Variants in ATXN7L2 observed in about 807,000 individuals in gnomAD.
The protein encoded by ATXN7L2 is ataxin-7-like protein 2.
A neutral mutation model predicts 59.6 loss-of-function variants in ATXN7L2; 17 were observed. The observed-to-expected ratio is 0.29, with a 90% confidence interval of 0.20 to 0.43. The LOEUF (loss-of-function observed/expected upper bound fraction) is 0.43, where lower values mean the gene tolerates loss of function less well. Among genes scored for constraint, ATXN7L2 ranks in the 20% least tolerant of loss-of-function variants. The pLI, the probability that ATXN7L2 is intolerant of heterozygous loss-of-function variation, is 1.00. For missense variants in ATXN7L2, 858 were observed against 1,008.9 expected, an observed-to-expected ratio of 0.85 and a Z score of 2.03; for synonymous variants, 378 against 392.5, an observed-to-expected ratio of 0.96 and a Z score of 0.44.
intron 1 of ATXN7L2, chr1:109,485,704 C>T: frequency 9.9e-7 from 1 of 1,013,164 alleles, no homozygotes; most frequent in South Asian, 4.6e-5. Context: ...GATACTTACC[C>T]ACAATCACCC....
At chr1:109,492,210 CAGGTG>C in intron 10 of ATXN7L2, 2 of 746,368 alleles carry the variant, frequency 2.7e-6, no homozygotes, top group Non-Finnish European at 3.4e-6. Context: ...TCCAGGTGTG[CAGGTG>C]ACAGGCAAGT....
chr1:109,490,184 A>T (rs961362809), intron 8 of ATXN7L2, 56 bp downstream of exon 8: 1 of 1,576,110 alleles, frequency 6.3e-7, no homozygotes, highest in Non-Finnish European at 8.6e-7. Flanking sequence ...CCTGGCCAAC[A>T]ACATGGGGAG....
In ATXN7L2 at chr1:109,487,601, C is replaced by G. The variant is rs1305390986; in HGVS notation, c.593C>G (p.Ser198Cys). ...CATGGAATCAGGGTGGCCCCACCCT[C>G]TGCTTTTCTCAGCCAGCCAGGGGGC... ...DGHGIRVAPPSAFLSQPGGLT... is the reference protein window; with the variant it reads ...DGHGIRVAPPCAFLSQPGGLT... The change falls in exon 5 of 11, where the codon TCT becomes TGT. Residue 198 changes from serine to cysteine, a missense_variant. By Grantham distance (112) the Ser-to-Cys change is moderately radical. Transcript: ENST00000683729. 6.3e-7 allele frequency: 1 copy of G among 1,580,020 alleles called. No individual in the cohort carries two copies. Among genetic ancestry groups the G allele is most frequent in the South Asian group, 1.2e-5 (1 of 86,090 alleles).
rs1164803898 is a variant in ATXN7L2 at position 109,486,188 on chromosome 1, A to G, written c.193+66A>G. On this transcript the variant is annotated intron_variant, in intron 2 of 10. Coordinates refer to ENST00000683729, the MANE Select transcript of ATXN7L2 (RefSeq NM_001350175.2). The surrounding 1 kb of genome is among the most constrained non-coding windows in gnomAD (Gnocchi z 4.3). ...CAGGACCACGCTCCACTTTTCCACCACACTACAGAAGGAGGTGGCTGCTTG... is the reference window on the plus strand; with the variant it reads ...CAGGACCACGCTCCACTTTTCCACCGCACTACAGAAGGAGGTGGCTGCTTG... The G allele has an allele frequency of 2.7e-6, 4 of 1,502,244 alleles. No individual in the cohort carries two copies. The highest frequency in any genetic ancestry group is 3.6e-6 in the Non-Finnish European group (4 of 1,126,710). 93.1% of individuals were successfully genotyped at this position (1,502,244 alleles called of 1,614,324 possible).
At chr1:109,485,853 C>G in intron 1 of ATXN7L2, 3 of 1,225,670 alleles carry the variant, frequency 2.4e-6, no homozygotes, top group Non-Finnish European at 3.1e-6. Context: ...AATGGACCCA[C>G]TGAAAGGTTC....
rs1657105110 is a variant in ATXN7L2 at position 109,491,827 on chromosome 1, T to A, written c.2250+110T>A. 1.5e-6 allele frequency: 2 copies of A among 1,333,814 alleles called. No individual in the cohort carries two copies. Among genetic ancestry groups the A allele is most frequent in the African/African-American group, 3.0e-5 (2 of 67,514 alleles). The allele number at this position is 1,333,814 out of a possible 1,614,324, so 82.6% of individuals were successfully genotyped here. Reference sequence around the variant, plus strand: ...TGCAGGGAAAGGGAGGAAGGGGAAGTTGAGAGAGTTCCTGGACTGTTTTCT... The same window carrying A: ...TGCAGGGAAAGGGAGGAAGGGGAAGATGAGAGAGTTCCTGGACTGTTTTCT... On this transcript the variant is annotated intron_variant, in intron 10 of 10. Transcript: ENST00000683729. This position sits in a 1 kb window ranked among gnomAD's most constrained non-coding sequence, Gnocchi z 4.1.
chr1:109,488,957 G>A lies in ATXN7L2; in HGVS notation c.990G>A (p.Lys330=). 1.9e-6 allele frequency: 3 copies of A among 1,614,176 alleles called. No individual in the cohort carries two copies. Among genetic ancestry groups the A allele is most frequent in the Non-Finnish European group, 1.7e-6 (2 of 1,180,018 alleles). ...NSRKGESPKE[K]SPGRKEQVLE... ...GCAAAGGGGAGTCTCCCAAGGAGAAGAGCCCAGGGCGCAAGGAGCAAGTTC... is the reference window on the plus strand; with the variant it reads ...GCAAAGGGGAGTCTCCCAAGGAGAAAAGCCCAGGGCGCAAGGAGCAAGTTC... The change falls in exon 7 of 11, where the codon AAG becomes AAA. Residue 330 remains lysine (K), a synonymous_variant. Transcript: ENST00000683729. The surrounding 1 kb of genome is among the most constrained non-coding windows in gnomAD (Gnocchi z 5.0).
intron 7 of ATXN7L2, 183 bp from the exon 8 acceptor site, chr1:109,489,747 C>A: frequency 1.5e-6 from 1 of 656,454 alleles, no homozygotes. Flanking sequence ...AGCAGTCTCT[C>A]TGTCTCTTAC....
rs536643831 is a variant in ATXN7L2, at chr1:109,487,569, T to C, written c.561T>C (p.Pro187=). The stretch of plus-strand genomic sequence containing the variant: ...AGAAGATGTCCAGTCTCCCGAAGCC[T>C]GATGGACATGGAATCAGGGTGGCCC... The part of the protein sequence containing the change: ...NLEKMSSLPK[P]DGHGIRVAPP... The change falls in exon 5 of 11, where the codon CCT becomes CCC. Residue 187 remains proline (P), a synonymous_variant. Coordinates refer to ENST00000683729, the MANE Select transcript of ATXN7L2 (RefSeq NM_001350175.2). The C allele has an allele frequency of 6.5e-7, 1 of 1,530,372 alleles. No individual in the cohort carries two copies. The highest frequency in any genetic ancestry group is 8.8e-7 in the Non-Finnish European group (1 of 1,140,328). The allele number at this position is 1,530,372 out of a possible 1,614,324, so 94.8% of individuals were successfully genotyped here.
rs547436670 is a variant in ATXN7L2, at chr1:109,490,289, C to A, written c.1351C>A (p.Arg451=). The A allele has an allele frequency of 6.2e-7, 1 of 1,613,860 alleles. No individual in the cohort carries two copies. Among genetic ancestry groups the A allele is most frequent in the South Asian group, 1.1e-5 (1 of 91,088 alleles). Residue 451 remains arginine, a synonymous_variant, in exon 9 of 11, where the codon CGG becomes AGG. Coordinates refer to ENST00000683729, the MANE Select transcript of ATXN7L2 (RefSeq NM_001350175.2). Reference sequence around the variant, plus strand: ...CCTTTAGTTCTGCACCTTTGGGAGCCGGCTGGTGAGCCCAGGATGCTATGT... The same window carrying A: ...CCTTTAGTTCTGCACCTTTGGGAGCAGGCTGGTGAGCCCAGGATGCTATGT... ...RPQAFCTFGS[R]LVSPGCYVFS...
chr1:109,488,745 C>G lies in ATXN7L2; in HGVS notation c.880-102C>G. ...AACACAGCTGCAAATATGCCCACCT[C>G]TCTCCCTGCCCCCCAACTTGCCCGG... is the stretch of plus-strand genomic sequence containing the variant. On this transcript the variant is annotated intron_variant, in intron 6 of 10. Coordinates refer to ENST00000683729, the MANE Select transcript of ATXN7L2 (RefSeq NM_001350175.2). The surrounding 1 kb of genome is among the most constrained non-coding windows in gnomAD (Gnocchi z 5.0). The G allele has an allele frequency of 7.1e-7, 1 of 1,406,814 alleles. No homozygotes were observed. The highest frequency in any genetic ancestry group is 2.3e-5 in the East Asian group (1 of 43,492). The allele number at this position is 1,406,814 out of a possible 1,614,324, so 87.1% of individuals were successfully genotyped here. A position where few individuals can be genotyped will look rare whatever the true frequency, so the allele number is the denominator to read the frequency against.
Position 109,487,096 on chromosome 1 carries a change from A to C in ATXN7L2, c.388A>C (p.Asn130His), listed in dbSNP as rs925903750. The change falls in exon 4 of 11, where the codon AAT becomes CAT. Residue 130 changes from asparagine (N) to histidine (H), a missense_variant. Coordinates refer to ENST00000683729, the MANE Select transcript of ATXN7L2 (RefSeq NM_001350175.2). The stretch of plus-strand genomic sequence containing the variant: ...CAGCTCTCAGAAATGCCATGTAGTG[A>C]ATGGGCAGGGCCCAGCTTGTAGGGC... Reference protein sequence around the residue: ...PASSQKCHVVNGQGPACRAPG... With the variant: ...PASSQKCHVVHGQGPACRAPG... 1 of 1,612,852 alleles carries C rather than the reference A, an allele frequency of 6.2e-7. No homozygotes were observed. Among genetic ancestry groups the C allele is most frequent in the African/African-American group, 1.3e-5 (1 of 74,936 alleles).
In ATXN7L2 at chr1:109,492,696, A is replaced by T. The variant is rs200434861; in HGVS notation, c.*96A>T. ...CTGCCGCTTTTTATAACTTTATATT[A>T]TTTTTTTTTAAGAAAAAAAGCTCTT... On this transcript the variant is annotated 3_prime_UTR_variant, in exon 11 of 11. Transcript: ENST00000683729. 84 of 1,382,316 alleles carry T rather than the reference A, an allele frequency of 6.1e-5. No individual in the cohort carries two copies. Among genetic ancestry groups the T allele is most frequent in the South Asian group, 7.9e-5 (6 of 75,700 alleles). The allele number at this position is 1,382,316 out of a possible 1,614,324, so 85.6% of individuals were successfully genotyped here.
rs1656841666 is a variant in ATXN7L2 at position 109,489,313 on chromosome 1, T to C, written c.1133+213T>C. On this transcript the variant is annotated intron_variant, in intron 7 of 10. Transcript: ENST00000683729. The stretch of plus-strand genomic sequence containing the variant: ...CCACAGCACCCCAGCCTCTCGGCAG[T>C]GTGCCAGATCCAACACTCAGGATAT... 4.8e-6 allele frequency: 3 copies of C among 622,222 alleles called. No homozygotes were observed. In the South Asian group the frequency reaches 6.8e-5, roughly 14 times the overall value. The allele number at this position is 622,222 out of a possible 1,614,324, so 38.5% of individuals were successfully genotyped here.
chr1:109,483,950 G>C lies in ATXN7L2; in HGVS notation c.-4G>C. 2.4e-6 allele frequency: 3 copies of C among 1,252,030 alleles called. No individual in the cohort carries two copies. Among genetic ancestry groups the C allele is most frequent in the Non-Finnish European group, 3.0e-6 (3 of 992,980 alleles). 77.6% of individuals were successfully genotyped at this position (1,252,030 alleles called of 1,614,324 possible). A position where few individuals can be genotyped will look rare whatever the true frequency, so the allele number is the denominator to read the frequency against. ...GCCAGGGCGGGCGCGCGTCCGCGGC[G>C]GTGATGGCGGTGCGTGAACGCGCGG... On this transcript the variant is annotated 5_prime_UTR_variant, in exon 1 of 11. Coordinates refer to ENST00000683729, the MANE Select transcript of ATXN7L2 (RefSeq NM_001350175.2).
In ATXN7L2 at chr1:109,486,924, G is replaced by A. The variant is rs1417698612; in HGVS notation, c.299-83G>A. 8.2e-7 allele frequency: 1 copy of A among 1,226,228 alleles called. No individual in the cohort carries two copies. The highest frequency in any genetic ancestry group is 1.5e-5 in the African/African-American group (1 of 65,396). 76.0% of individuals were successfully genotyped at this position (1,226,228 alleles called of 1,614,324 possible). On this transcript the variant is annotated intron_variant, in intron 3 of 10. Transcript: ENST00000683729. This position sits in a 1 kb window ranked among gnomAD's most constrained non-coding sequence, Gnocchi z 4.3. ...TTTATGGAAACTCAGATTCTCTCAT[G>A]TGAGTCTATGGACATGGTTAGGTTG...
Position 109,483,990 on chromosome 1 carries a change from G to C in ATXN7L2, c.37G>C (p.Ala13Pro). 7.1e-7 allele frequency: 1 copy of C among 1,415,736 alleles called. No individual in the cohort carries two copies. The allele number at this position is 1,415,736 out of a possible 1,614,324, so 87.7% of individuals were successfully genotyped here. A position where few individuals can be genotyped will look rare whatever the true frequency, so the allele number is the denominator to read the frequency against. The change falls in exon 1 of 11, where the codon GCT (alanine) becomes CCT (proline). Residue 13 changes from alanine to proline, a missense_variant. This residue lies in a region of ATXN7L2 where 95 missense variants were observed against 82.6 expected (regional missense o/e 1.15). Transcript: ENST00000683729. ...TGAACGCGCGGCGGCAGCAATGGCC[G>C]CTCTGGAGCGGCGGGTGCCGAGTCT... ...VRERAAAAMA[A>P]LERRVPSLDD... is the part of the protein sequence containing the mutation.
At chr1:109,487,259 T>TGACCCA (rs1185387121) in intron 4 of ATXN7L2, 42 bp downstream of exon 4, 3 of 1,454,056 alleles carry the variant, frequency 2.1e-6, no homozygotes, top group Non-Finnish European at 1.8e-6. Flanking sequence ...GCCCTGACCC[T>TGACCCA]GACCCATGGA....
chr1:109,489,706 G>A, intron 7 of ATXN7L2: 3 of 582,624 alleles, frequency 5.1e-6, no homozygotes, highest in Non-Finnish European at 9.1e-6. Flanking sequence ...GGGGCTGGGA[G>A]GTGAAGGGGC....
Sources: allele counts gnomAD v4.1 joint callset, GRCh38; gene constraint gnomAD v4.1.1; regional missense constraint gnomAD v4.1.1; non-coding constraint Gnocchi (gnomAD v3.1); transcripts MANE v1.5; gene names NCBI Gene and HGNC (gene_info 2026-07-23, HGNC 2026-07-21).